Variants in SETBP1 observed in about 807,000 individuals in gnomAD.
The protein encoded by SETBP1 is SET binding protein 1.
A neutral mutation model predicts 101.0 loss-of-function variants in SETBP1; 9 were observed. The ratio of observed to expected loss-of-function variants is 0.09; its 90% CI spans 0.05 to 0.16. The LOEUF is 0.16. Ranked by LOEUF, SETBP1 falls within the 10% of genes least tolerant of loss-of-function variation. SETBP1 has a pLI of 1.00. For missense variants in SETBP1, 1,858 were observed against 2,033.8 expected (o/e 0.91, Z 1.66); for synonymous variants, 818 against 788.5 (o/e 1.04, Z -0.63).
At chr18:44,907,772 A>C (rs1440037155) in intron 3 of SETBP1, among the ~76,000 whole-genome samples, 1 of 152,186 alleles carries the variant, frequency 6.6e-6, no homozygotes, top group Non-Finnish European at 1.5e-5. Context: ...TGTGACTTGC[A>C]AAATTTTCCT....
chr18:44,694,307 G>A (rs1159981627), intron 1 of SETBP1, among the ~76,000 whole-genome samples: 2 of 152,144 alleles, frequency 1.3e-5, no homozygotes, highest in African/African-American at 2.4e-5. Flanking sequence ...AGCCTCCTGG[G>A]TTCAAGTGAT....
intron 1 of SETBP1, among the ~76,000 whole-genome samples, chr18:44,691,858 C>T (rs1346772527): frequency 6.6e-6 from 1 of 152,162 alleles, no homozygotes; most frequent in Non-Finnish European, 1.5e-5. Flanking sequence ...CTCATGTTCT[C>T]TGGTCCCAAT....
chr18:44,927,592 T>C (rs1246165525), intron 3 of SETBP1, among the ~76,000 whole-genome samples: 1 of 152,196 alleles, frequency 6.6e-6, no homozygotes, highest in East Asian at 1.9e-4. Context: ...GCTGAGCTAT[T>C]TGGCCCGAAA....
At chr18:45,010,767 T>C (rs1036083636) in intron 4 of SETBP1, among the ~76,000 whole-genome samples, 2 of 152,230 alleles carry the variant, frequency 1.3e-5, no homozygotes, top group African/African-American at 4.8e-5. Flanking sequence ...AATACTCATG[T>C]TTTATTCATT....
intron 1 of SETBP1, among the ~76,000 whole-genome samples, chr18:44,683,526 C>T (rs938579204): frequency 3.9e-5 from 6 of 152,224 alleles, no homozygotes; most frequent in Non-Finnish European, 7.3e-5. Flanking sequence ...TGAATCGATA[C>T]TTGTCTGGCA....
At chr18:44,987,685 A>C (rs1465829701) in intron 4 of SETBP1, 1 of 152,216 alleles carries the variant, frequency 6.6e-6, no homozygotes, top group Non-Finnish European at 1.5e-5. Context: ...GTTCTCCGTG[A>C]AGATAAAGCA....
chr18:44,920,498 C>G (rs1476769118), intron 3 of SETBP1, among the ~76,000 whole-genome samples: 1 of 152,166 alleles, frequency 6.6e-6, no homozygotes, highest in African/African-American at 2.4e-5. Context: ...AACTTACAGA[C>G]TAATTGTAAT....
intron 1 of SETBP1, among the ~76,000 whole-genome samples, chr18:44,691,366 C>A (rs1173880748): frequency 6.6e-6 from 1 of 151,836 alleles, no homozygotes; most frequent in East Asian, 1.9e-4. Flanking sequence ...CCCCCGCCCC[C>A]CAACCCTTTC....
chr18:44,851,729 T>G (rs761389306), intron 2 of SETBP1, among the ~76,000 whole-genome samples: 5 of 152,194 alleles, frequency 3.3e-5, no homozygotes, highest in Non-Finnish European at 5.9e-5. Context: ...TTAGAATCCT[T>G]CATGAGTCTA....
chr18:44,897,459 A>G (rs2069933636), intron 3 of SETBP1, among the ~76,000 whole-genome samples: 1 of 152,018 alleles, frequency 6.6e-6, no homozygotes, highest in Non-Finnish European at 1.5e-5. Flanking sequence ...ACCCGGGCTG[A>G]TGAGAAGGTG....
intron 2 of SETBP1, among the ~76,000 whole-genome samples, chr18:44,706,904 T>G (rs2069232143): frequency 6.6e-6 from 1 of 152,218 alleles, no homozygotes; most frequent in Admixed American, 6.5e-5. Context: ...TTCTACATGA[T>G]ATAACTCAGA....
At chr18:44,836,118 G>GT (rs2072489266) in intron 2 of SETBP1, among the ~76,000 whole-genome samples, 2 of 44,268 alleles carry the variant, frequency 4.5e-5, no homozygotes, top group South Asian at 7.9e-4. Flanking sequence ...CTCTCTATAA[G>GT]CTTTTTTTTT....
intron 4 of SETBP1, among the ~76,000 whole-genome samples, chr18:45,026,581 G>T (rs1414192699): frequency 6.6e-6 from 1 of 152,170 alleles, no homozygotes; most frequent in African/African-American, 2.4e-5. Context: ...GATTGCCAAG[G>T]ATGTAACGTG....
chr18:45,034,892 C>CA (rs1379825856), intron 4 of SETBP1, among the ~76,000 whole-genome samples: 1 of 152,090 alleles, frequency 6.6e-6, no homozygotes, highest in Non-Finnish European at 1.5e-5. Context: ...TGGTCCAGTC[C>CA]GTACAAGGTT....
intron 2 of SETBP1, among the ~76,000 whole-genome samples, chr18:44,858,961 G>A (rs945460103): frequency 6.6e-6 from 1 of 151,822 alleles, no homozygotes; most frequent in Non-Finnish European, 1.5e-5. Flanking sequence ...GTTACCATCT[G>A]TGATGGTGTC....
At chr18:44,887,611 A>G (rs545509220) in intron 3 of SETBP1, among the ~76,000 whole-genome samples, 1 of 152,188 alleles carries the variant, frequency 6.6e-6, no homozygotes, top group Non-Finnish European at 1.5e-5. Context: ...GTGGCAGGAA[A>G]ACAGACTGTA....
At chr18:44,852,819 G>A (rs1301146711) in intron 2 of SETBP1, among the ~76,000 whole-genome samples, 3 of 152,192 alleles carry the variant, frequency 2.0e-5, no homozygotes, top group Non-Finnish European at 1.5e-5. Context: ...ACTGGAGAGT[G>A]TCCTGAGTGT....
At chr18:44,927,475 CAA>C (rs1269101648) in intron 3 of SETBP1, among the ~76,000 whole-genome samples, 1 of 152,118 alleles carries the variant, frequency 6.6e-6, no homozygotes, top group African/African-American at 2.4e-5. Context: ...GAGGAAAAGA[CAA>C]AACTCTCTAA....
chr18:44,976,073 TACACACACAC>T (rs57458132), intron 4 of SETBP1, among the ~76,000 whole-genome samples: 1,773 of 143,674 alleles, frequency 0.012, 33 homozygotes, highest in African/African-American at 0.042. Flanking sequence ...TGGGGAGGGA[TACACACACAC>T]ACACACACAC....
Sources: allele counts gnomAD v4.1 joint callset (sites outside exome capture counted in the v4.1 genomes callset), GRCh38; gene constraint gnomAD v4.1.1; transcripts MANE v1.5; gene names NCBI Gene and HGNC (gene_info 2026-07-23, HGNC 2026-07-21).